The following PRELID2 variants were observed in gnomAD, a reference collection of about 807,000 sequenced individuals.
PRELID2 encodes PRELI domain-containing protein 2.
A neutral mutation model predicts 28.4 loss-of-function variants in PRELID2; 25 were observed. The observed-to-expected ratio is 0.88, with a 90% CI of 0.64 to 1.23. The LOEUF (loss-of-function observed/expected upper bound fraction) is 1.23. Among genes scored for constraint, PRELID2 ranks in the 50% most tolerant of loss-of-function variants. PRELID2 has a pLI of 0.00. For synonymous variants in PRELID2, 76 were observed against 71.6 expected (o/e 1.06, Z -0.31); for missense variants, 201 against 214.4 (o/e 0.94, Z 0.39).
chr5:145,576,676 T>TA (rs61665534), intron 1 of PRELID2, among the ~76,000 whole-genome samples: 1,714 of 141,446 alleles, frequency 0.012, 20 homozygotes, highest in Non-Finnish European at 0.018. Context: ...AGCACAATAG[T>TA]AAAAAAAAAA....
intron 5 of PRELID2, among the ~76,000 whole-genome samples, chr5:145,781,739 T>C (rs1264544472): frequency 6.8e-6 from 1 of 146,294 alleles, no homozygotes; most frequent in African/African-American, 2.5e-5. Flanking sequence ...ATACTATATA[T>C]ATACTATATC....
chr5:145,387,936 CA>C, the PRELID2 span, among the ~76,000 whole-genome samples: 31,820 of 110,932 alleles, frequency 0.29, 3,430 homozygotes, highest in South Asian at 0.39. Flanking sequence ...AAGACAGAAC[CA>C]AAAAAAAAAA....
intron 4 of PRELID2, among the ~76,000 whole-genome samples, chr5:145,815,573 C>T (rs1754244045): frequency 6.6e-6 from 1 of 152,220 alleles, no homozygotes; most frequent in South Asian, 2.1e-4. Context: ...TCACTCCCCT[C>T]TCCCCGTAAC....
At chr5:145,401,256 G>A in the PRELID2 span, among the ~76,000 whole-genome samples, 1 of 150,758 alleles carries the variant, frequency 6.6e-6, no homozygotes, top group African/African-American at 2.4e-5. Context: ...TAGACCCCTA[G>A]CCCATTATCC....
intron 1 of PRELID2, among the ~76,000 whole-genome samples, chr5:145,637,810 CTTTTT>C (rs547110066): frequency 7.6e-6 from 1 of 130,742 alleles, no homozygotes; most frequent in Non-Finnish European, 1.6e-5. Context: ...CAAAACCATT[CTTTTT>C]TTTTTTTTTT....
the PRELID2 span, among the ~76,000 whole-genome samples, chr5:145,400,655 A>G: frequency 6.6e-6 from 1 of 152,100 alleles, no homozygotes; most frequent in Non-Finnish European, 1.5e-5. Context: ...TCCTCAGCGC[A>G]CACATTTGGT....
At chr5:145,549,010 C>T (rs1170140966) in intron 1 of PRELID2, among the ~76,000 whole-genome samples, 2 of 152,148 alleles carry the variant, frequency 1.3e-5, no homozygotes, top group Non-Finnish European at 2.9e-5. Flanking sequence ...TCCTTCTGCC[C>T]CCAATACTCT....
chr5:145,419,337 G>A, the PRELID2 span, among the ~76,000 whole-genome samples: 1 of 126,174 alleles, frequency 7.9e-6, no homozygotes, highest in African/African-American at 2.9e-5. Flanking sequence ...CTAGTTTACA[G>A]TCCCACCAAC....
At chr5:145,446,477 T>A in the PRELID2 span, among the ~76,000 whole-genome samples, 2 of 151,910 alleles carry the variant, frequency 1.3e-5, no homozygotes, top group African/African-American at 4.8e-5. Context: ...AGGAAAACAG[T>A]ATGGGGAGTA....
In PRELID2 at chr5:145,652,596, C is replaced by T. The variant is rs540776065; in HGVS notation, n.70+112335G>A. Reference sequence around the variant, plus strand: ...ACAGAAGAGAGTGGGGGCCAATATTCGACATTCTAAAAGAAAAGAATTTTC... The same window carrying T: ...ACAGAAGAGAGTGGGGGCCAATATTTGACATTCTAAAAGAAAAGAATTTTC... On this transcript the variant is annotated intron_variant and non_coding_transcript_variant, in intron 1 of 2. Transcript: ENST00000510259. 9.2e-5 allele frequency among the ~76,000 whole-genome samples: 14 copies of T among 152,294 alleles called. No homozygotes were observed. The South Asian group carries it at 1.7e-3, about 18-fold the overall frequency.
the PRELID2 span, among the ~76,000 whole-genome samples, chr5:145,335,933 T>A: frequency 3.3e-5 from 5 of 152,220 alleles, no homozygotes; most frequent in Admixed American, 6.5e-5. Flanking sequence ...CTCCAGCACC[T>A]GTTGTTTCCT....
At chr5:145,744,815 T>G (rs918858055) in intron 1 of PRELID2, among the ~76,000 whole-genome samples, 2 of 151,974 alleles carry the variant, frequency 1.3e-5, no homozygotes, top group African/African-American at 2.4e-5. Flanking sequence ...CTCCAAATGA[T>G]TGCAACGTTT....
intron 1 of PRELID2, among the ~76,000 whole-genome samples, chr5:145,740,430 C>T (rs1337326582): frequency 8.6e-5 from 12 of 139,460 alleles, no homozygotes; most frequent in African/African-American, 2.9e-4. Flanking sequence ...GACTACAAAA[C>T]GTTCTCTCAA....
chr5:145,331,260 G>T, the PRELID2 span, among the ~76,000 whole-genome samples: 1 of 152,212 alleles, frequency 6.6e-6, no homozygotes, highest in East Asian at 1.9e-4. Flanking sequence ...GTTGATTTGG[G>T]GTGGAGAGTT....
At chr5:145,467,939 T>C (rs923245644), downstream of PRELID2, among the ~76,000 whole-genome samples, 1 of 152,052 alleles carries the variant, frequency 6.6e-6, no homozygotes, top group African/African-American at 2.4e-5. Context: ...TATTATACTT[T>C]AAGTTCTAGG....
the PRELID2 span, among the ~76,000 whole-genome samples, chr5:145,427,408 T>C: frequency 6.6e-6 from 1 of 152,332 alleles, no homozygotes; most frequent in East Asian, 1.9e-4. Context: ...CCAGCCTTAA[T>C]ATTTTTTTTA....
chr5:145,431,628 G>A, the PRELID2 span, among the ~76,000 whole-genome samples: 1 of 152,150 alleles, frequency 6.6e-6, no homozygotes, highest in Non-Finnish European at 1.5e-5. Context: ...TGCCAAAAAT[G>A]TACAACTTCA....
chr5:145,695,659 T>C (rs536692281), intron 1 of PRELID2, among the ~76,000 whole-genome samples: 18 of 152,120 alleles, frequency 1.2e-4, no homozygotes, highest in Non-Finnish European at 2.6e-4. Context: ...CTTGGGCATC[T>C]GCTTGCAAAA....
intron 1 of PRELID2, among the ~76,000 whole-genome samples, chr5:145,526,242 G>T (rs145326939): frequency 6.6e-6 from 1 of 152,170 alleles, no homozygotes; most frequent in Non-Finnish European, 1.5e-5. Flanking sequence ...AAGGTCACAC[G>T]TGTGCTAAGT....
Sources: allele counts gnomAD v4.1 joint callset (sites outside exome capture counted in the v4.1 genomes callset), GRCh38; gene constraint gnomAD v4.1.1; transcripts MANE v1.5; gene names NCBI Gene and HGNC (gene_info 2026-07-23, HGNC 2026-07-21).